The following OTUD7A variants were observed in gnomAD, a reference collection of about 807,000 sequenced individuals.
The protein encoded by OTUD7A is OTU deubiquitinase 7A.
In OTUD7A, 12 loss-of-function variants were observed where a neutral mutation model predicts 65.7. The observed-to-expected ratio is 0.18, with a 90% CI of 0.12 to 0.30. OTUD7A has a LOEUF of 0.30. OTUD7A is among the 10% of genes least tolerant of loss of function. OTUD7A has a pLI of 1.00. For synonymous variants in OTUD7A, 641 were observed against 586.3 expected (o/e 1.09, Z -1.35); for missense variants, 1,148 against 1,304.8 (o/e 0.88, Z 1.85).
chr15:31,486,626 C>T (rs1320720361), intron 12 of OTUD7A, among the ~76,000 whole-genome samples: 1 of 152,128 alleles, frequency 6.6e-6, no homozygotes, highest in Non-Finnish European at 1.5e-5. Flanking sequence ...TGGAGGCAGG[C>T]AGCCTCATGG....
chr15:31,801,021 G>A (rs553457021), intron 1 of OTUD7A, among the ~76,000 whole-genome samples: 11 of 142,314 alleles, frequency 7.7e-5, no homozygotes, highest in Admixed American at 4.4e-4. Context: ...AAATACACAC[G>A]CAGCTTAATG....
At chr15:31,755,207 G>A (rs1894777326) in intron 1 of OTUD7A, among the ~76,000 whole-genome samples, 2 of 152,020 alleles carry the variant, frequency 1.3e-5, no homozygotes, top group African/African-American at 4.8e-5. Flanking sequence ...GGAATGGAAG[G>A]AGGGGGAAAG....
intron 3 of OTUD7A, among the ~76,000 whole-genome samples, chr15:31,572,787 C>T (rs1225395773): frequency 1.3e-5 from 2 of 152,002 alleles, no homozygotes; most frequent in African/African-American, 4.8e-5. Flanking sequence ...AAAGAGAAAA[C>T]AGACTGCAGA....
chr15:31,607,084 T>C (rs1480629108), intron 3 of OTUD7A, among the ~76,000 whole-genome samples: 1 of 152,144 alleles, frequency 6.6e-6, no homozygotes, highest in East Asian at 1.9e-4. Flanking sequence ...TCAGAGAGTA[T>C]AAAGGCAGTG....
In OTUD7A at chr15:31,484,652, C is replaced by A. The variant is rs1220561013; in HGVS notation, c.1444G>T (p.Asp482Tyr). 1 of 1,584,148 alleles carries A rather than the reference C, an allele frequency of 6.3e-7. No individual in the cohort carries two copies. ...EDVQSLADSL[D>Y]SDRDSVCSNS... Reference sequence around the variant, plus strand: ...CTGCACACCGAATCGCGGTCCGAGTCCAGCGAGTCGGCCAGGGACTGCACG... The same window carrying A: ...CTGCACACCGAATCGCGGTCCGAGTACAGCGAGTCGGCCAGGGACTGCACG... Residue 482 changes from aspartate (D) to tyrosine (Y), a missense_variant, in exon 13 of 13, where the codon GAC becomes TAC. Asp to Tyr is a radical substitution (Grantham distance 160). Coordinates refer to ENST00000307050, the MANE Select transcript of OTUD7A (RefSeq NM_001382637.1). This position sits in a 1 kb window ranked among gnomAD's most constrained non-coding sequence, Gnocchi z 4.5.
intron 3 of OTUD7A, among the ~76,000 whole-genome samples, chr15:31,614,422 G>T (rs1890525030): frequency 6.6e-6 from 1 of 152,124 alleles, no homozygotes; most frequent in African/African-American, 2.4e-5. Context: ...AAGTCTGCAT[G>T]TTATAATAAA....
intron 1 of OTUD7A, among the ~76,000 whole-genome samples, chr15:31,846,565 C>G (rs560185958): frequency 1.3e-5 from 2 of 152,216 alleles, no homozygotes; most frequent in African/African-American, 4.8e-5. Context: ...GCTGCACTGG[C>G]AAGATTCATC....
chr15:31,768,392 C>T (rs2140910621), intron 1 of OTUD7A, among the ~76,000 whole-genome samples: 1 of 152,332 alleles, frequency 6.6e-6, no homozygotes, highest in Middle Eastern at 3.4e-3. Flanking sequence ...GGCATGGTGG[C>T]TTATGCCTGT....
chr15:31,839,599 G>A (rs768119666), intron 1 of OTUD7A, among the ~76,000 whole-genome samples: 5 of 152,198 alleles, frequency 3.3e-5, no homozygotes, highest in Non-Finnish European at 7.3e-5. Flanking sequence ...AAGCACGTGT[G>A]AGAGCCCTGC....
At chr15:31,851,196 G>A (rs922558002) in intron 1 of OTUD7A, among the ~76,000 whole-genome samples, 2 of 152,222 alleles carry the variant, frequency 1.3e-5, no homozygotes, top group Admixed American at 1.3e-4. Flanking sequence ...AAGTGGATTT[G>A]ACATGGATTA....
chr15:31,713,396 A>G (rs1221403044), intron 1 of OTUD7A, among the ~76,000 whole-genome samples: 2 of 152,154 alleles, frequency 1.3e-5, no homozygotes, highest in Admixed American at 1.3e-4. Flanking sequence ...GGGCGAGCAG[A>G]TCACTTAAGG....
intron 10 of OTUD7A, among the ~76,000 whole-genome samples, chr15:31,500,304 C>T (rs569597993): frequency 6.4e-4 from 97 of 152,364 alleles, no homozygotes; most frequent in African/African-American, 2.2e-3. Context: ...TAAATCTTTC[C>T]TTCTGTGGCC....
At chr15:31,810,142 A>G (rs1241901235) in intron 1 of OTUD7A, among the ~76,000 whole-genome samples, 1 of 152,160 alleles carries the variant, frequency 6.6e-6, no homozygotes, top group African/African-American at 2.4e-5. Flanking sequence ...TCGGGAGGCC[A>G]GAGGGGTTCC....
chr15:31,554,762 C>A (rs1170645931), intron 5 of OTUD7A, among the ~76,000 whole-genome samples: 1 of 152,198 alleles, frequency 6.6e-6, no homozygotes, highest in South Asian at 2.1e-4. Context: ...CCAGAGACCC[C>A]GGTCTCCGAG....
At chr15:31,825,526 A>G (rs1009778757) in intron 1 of OTUD7A, among the ~76,000 whole-genome samples, 1 of 152,218 alleles carries the variant, frequency 6.6e-6, no homozygotes, top group Admixed American at 6.5e-5. Context: ...TGGGAGTACA[A>G]TTCAAGATGA....
chr15:31,494,289 A>G (rs971619447), intron 10 of OTUD7A, among the ~76,000 whole-genome samples: 5 of 152,204 alleles, frequency 3.3e-5, no homozygotes, highest in Non-Finnish European at 5.9e-5. Flanking sequence ...TAGTGCCTTT[A>G]TAACAACAGG....
At chr15:31,524,536 C>G (rs962260619) in intron 8 of OTUD7A, among the ~76,000 whole-genome samples, 4 of 151,752 alleles carry the variant, frequency 2.6e-5, no homozygotes, top group African/African-American at 9.7e-5. Flanking sequence ...CGACCCCACC[C>G]CACCCCACCT....
In OTUD7A at chr15:31,501,762, C is replaced by T; in HGVS notation, c.1099G>A (p.Val367Ile). 1 of 1,614,156 alleles carries T rather than the reference C, an allele frequency of 6.2e-7. No homozygotes were observed. Among genetic ancestry groups the T allele is most frequent in the Non-Finnish European group, 8.5e-7 (1 of 1,180,006 alleles). Residue 367 changes from valine to isoleucine, a missense_variant, in exon 10 of 13, where the codon GTT (valine) becomes ATT (isoleucine). Val to Ile is a conservative substitution (Grantham distance 29). Transcript: ENST00000307050. ...PPNRCHCSPL[V>I]LAYDQAHFSA... ...AAATGGGCTTGATCATAGGCCAGAA[C>T]CAGAGGCGAGCAGTGGCATCTGTTG...
intron 8 of OTUD7A, among the ~76,000 whole-genome samples, chr15:31,521,859 C>T (rs925163077): frequency 3.9e-5 from 6 of 152,248 alleles, no homozygotes; most frequent in Non-Finnish European, 7.3e-5. Flanking sequence ...TCTTGCTCTG[C>T]TCTCTTCTCC....
Sources: gnomAD v4.1 joint callset for allele counts (sites outside exome capture counted in the v4.1 genomes callset) on GRCh38, gnomAD v4.1.1 for gene constraint, Gnocchi (gnomAD v3.1) non-coding constraint, MANE v1.5 for transcripts, NCBI Gene and HGNC (gene_info 2026-07-23, HGNC 2026-07-21) for gene names.